The following DNAH17 variants were observed in gnomAD, a reference collection of about 807,000 sequenced individuals.
The protein encoded by DNAH17 is axonemal beta dynein heavy chain 17.
DNAH17 carries 376 observed loss-of-function variants against 485.6 expected under a neutral mutation model. The ratio of observed to expected loss-of-function variants is 0.77; its 90% CI spans 0.71 to 0.84. The LOEUF is 0.84. Ranked by LOEUF, DNAH17 falls within the 40% of genes least tolerant of loss-of-function variation. The pLI, the probability that DNAH17 is intolerant of heterozygous loss-of-function variation, is 0.00. For missense variants in DNAH17, 6,370 were observed against 5,839.3 expected (o/e 1.09, Z -2.96); for synonymous variants, 3,031 against 2,405.9 (o/e 1.26, Z -7.60).
intron 3 of DNAH17, 111 bp from the exon 4 acceptor site, chr17:78,571,893 C>A: frequency 3.7e-6 from 4 of 1,072,930 alleles, no homozygotes; most frequent in Non-Finnish European, 5.3e-6. Flanking sequence ...AGCAGCAGCA[C>A]CGTCTGGTCT....
In DNAH17 at chr17:78,432,383, C is replaced by T. The variant is rs566226366; in HGVS notation, c.12225+1646G>A. On this transcript the variant is annotated intron_variant, in intron 75 of 80. Coordinates refer to ENST00000389840, the MANE Select transcript of DNAH17 (RefSeq NM_173628.4). ...ATGTCCGGCCGGCACCCTGCCCCATCGACCGGCAGACAGCAGAGGCTGCCT... is the reference window on the plus strand; with the variant it reads ...ATGTCCGGCCGGCACCCTGCCCCATTGACCGGCAGACAGCAGAGGCTGCCT... Among the ~76,000 whole-genome samples the T allele has an allele frequency of 1.0e-3, 10 of 9,846 alleles. No homozygotes were observed. The East Asian group carries it at 0.012, about 12-fold the overall frequency. 6.5% of individuals were successfully genotyped at this position (9,846 alleles called of 152,430 possible). A position where few individuals can be genotyped will look rare whatever the true frequency, so the allele number is the denominator to read the frequency against.
At chr17:78,486,573 TA>T (rs2146651287) in intron 44 of DNAH17, 67 bp from the exon 45 acceptor site, 1 of 1,512,356 alleles carries the variant, frequency 6.6e-7, no homozygotes, top group South Asian at 1.3e-5. Flanking sequence ...CCTGCCTTGG[TA>T]AACGCCCCTC....
At chr17:78,542,631 A>G (rs1224577081) in intron 17 of DNAH17, among the ~76,000 whole-genome samples, 1 of 152,196 alleles carries the variant, frequency 6.6e-6, no homozygotes, top group Admixed American at 6.5e-5. Context: ...ATGCCAGTCT[A>G]CTGTTCTGCA....
chr17:78,533,687 CATCTT>C (rs2091299872), intron 19 of DNAH17, among the ~76,000 whole-genome samples: 2 of 152,072 alleles, frequency 1.3e-5, no homozygotes, highest in African/African-American at 4.8e-5. Flanking sequence ...GAAATTTTGA[CATCTT>C]ATTTCTTTTT....
chr17:78,532,766 G>C lies in DNAH17; in HGVS notation c.2860-30C>G, dbSNP rs1220381489. ...AAGGGGCAGGGGAGAAGCAAAAAGG[G>C]GAGGTATGTTGCCTGGTTCATAATT... On this transcript the variant is annotated intron_variant, in intron 19 of 80. Transcript: ENST00000389840. 4 of 1,557,908 alleles carry C rather than the reference G, an allele frequency of 2.6e-6. No individual in the cohort carries two copies. In the East Asian group the frequency reaches 9.2e-5, roughly 36 times the overall value.
At chr17:78,568,298 A>C (rs1043722663) in intron 9 of DNAH17, among the ~76,000 whole-genome samples, 4 of 151,984 alleles carry the variant, frequency 2.6e-5, no homozygotes, top group African/African-American at 9.7e-5. Context: ...GCGCTCTGTG[A>C]CTGCAATTTT....
Position 78,501,825 on chromosome 17 carries a change from C to A in DNAH17, c.5239G>T (p.Ala1747Ser). 1 of 1,614,008 alleles carries A rather than the reference C, an allele frequency of 6.2e-7. No individual in the cohort carries two copies. Among genetic ancestry groups the A allele is most frequent in the South Asian group, 1.1e-5 (1 of 91,086 alleles). The change falls in exon 34 of 81, where the codon GCT (alanine) becomes TCT (serine). Residue 1747 changes from alanine (A) to serine (S), a missense_variant. By Grantham distance (99) the Ala-to-Ser change is moderately conservative (BLOSUM62 1). Transcript: ENST00000389840. ...GTCATGATCTTCATCCTGTCGCCAG[C>A]GTTGAGGTTCCCCATGAGCAGCGTG... ...LITLLMGNLN[A>S]GDRMKIMTIC... is the part of the protein sequence containing the mutation.
At chr17:78,529,778 G>A (rs1030352357) in intron 21 of DNAH17, 84 bp from the exon 22 acceptor site, 11 of 1,403,982 alleles carry the variant, frequency 7.8e-6, no homozygotes, top group South Asian at 2.6e-5. Flanking sequence ...AGAGGGGGAC[G>A]ACCGCGGTGA....
rs79145832 is a variant in DNAH17 at position 78,460,282 on chromosome 17, G to A, written c.9340-25C>T. The A allele has an allele frequency of 9.8e-4, 1,531 of 1,564,996 alleles. 11 individuals carry two copies. In the African/African-American group the frequency reaches 0.018, roughly 18 times the overall value. ...TCTGGAAGGAAGATGGACAGGAGAG[G>A]TTACTGCAGGCCTGTCCATGTGCCT... is the stretch of plus-strand genomic sequence containing the variant. On this transcript the variant is annotated intron_variant, in intron 58 of 80. Transcript: ENST00000389840.
chr17:78,443,710 C>G (rs968931930), intron 71 of DNAH17, among the ~76,000 whole-genome samples: 4 of 152,176 alleles, frequency 2.6e-5, no homozygotes, highest in African/African-American at 7.2e-5. Flanking sequence ...CCACCGCGCC[C>G]TGCTAATTTT....
intron 11 of DNAH17, among the ~76,000 whole-genome samples, chr17:78,563,490 C>T (rs980391406): frequency 7.0e-6 from 1 of 142,284 alleles, no homozygotes; most frequent in Admixed American, 7.5e-5. Flanking sequence ...GAAAAAAACC[C>T]CAAAAACCTG....
chr17:78,478,616 AC>A (rs1205621598), intron 51 of DNAH17, among the ~76,000 whole-genome samples: 1 of 119,468 alleles, frequency 8.4e-6, no homozygotes. Context: ...CACCGTCATC[AC>A]CCCCATTATT....
At chr17:78,501,659 G>A (rs2090295175) in intron 34 of DNAH17, 83 bp downstream of exon 34, 6 of 1,526,192 alleles carry the variant, frequency 3.9e-6, no homozygotes, top group South Asian at 3.6e-5. Flanking sequence ...GGAAGTGGCA[G>A]GGTCTGAAGT....
rs1182416810 is a variant in DNAH17, at chr17:78,427,045, T to C, written c.12652A>G (p.Met4218Val). The C allele has an allele frequency of 8.7e-6, 14 of 1,602,262 alleles. No individual in the cohort carries two copies. The highest frequency in any genetic ancestry group is 1.1e-5 in the Non-Finnish European group (13 of 1,174,598). Residue 4218 changes from methionine to valine, a missense_variant, in exon 78 of 81, where the codon ATG becomes GTG. Coordinates refer to ENST00000389840, the MANE Select transcript of DNAH17 (RefSeq NM_173628.4). ...GGGGTCTTTTCCGCTGCCTTTGCCA[T>C]GATCTCAGCCATGTTGAAAGTCTCC... The part of the protein sequence containing the change: ...IPETFNMAEI[M>V]AKAAEKTPYV...
chr17:78,459,757 C>G (rs367972744), intron 60 of DNAH17, 27 bp downstream of exon 60: 1 of 1,612,042 alleles, frequency 6.2e-7, no homozygotes, highest in South Asian at 1.1e-5. Flanking sequence ...AGGGAAGCCC[C>G]GGCTACGAGG....
At position 78,494,655 on chromosome 17, in the gene DNAH17, G is replaced by C. The variant is rs371944978; in HGVS notation, c.6208C>G (p.Leu2070Val). ...AGAGCCGGGAAGAGGTCCCCGATCA[G>C]TCCCATGAATACGGGCAGGTCGTCT... ...VTDDLPVFMGLIGDLFPALDV... is the reference protein window; with the variant it reads ...VTDDLPVFMGVIGDLFPALDV... The change falls in exon 40 of 81, where the codon CTG becomes GTG. Residue 2070 changes from leucine (L) to valine (V), a missense_variant. Transcript: ENST00000389840. 9 of 1,613,872 alleles carry C rather than the reference G, an allele frequency of 5.6e-6. No individual in the cohort carries two copies. The highest frequency in any genetic ancestry group is 2.5e-6 in the Non-Finnish European group (3 of 1,179,918).
chr17:78,475,435 CT>C lies in DNAH17; in HGVS notation c.8353del (p.Arg2785GlyfsTer61). ...GGGAGACTCCAGGATGCGATTAATC[CT>C]GCAGATGTGAGCCACGGCGTCCTCA... ...LFEDAVAHIC[R>X]INRILESPRG... On this transcript the variant is annotated frameshift_variant, in exon 54 of 81. Transcript: ENST00000389840. LOFTEE classifies it high-confidence loss of function. 6.2e-7 allele frequency: 1 copy of C among 1,613,924 alleles called. No individual in the cohort carries two copies. The highest frequency in any genetic ancestry group is 8.5e-7 in the Non-Finnish European group (1 of 1,179,882).
intron 43 of DNAH17, among the ~76,000 whole-genome samples, chr17:78,491,133 T>G (rs889711398): frequency 1.3e-5 from 2 of 152,264 alleles, no homozygotes; most frequent in Non-Finnish European, 1.5e-5. Flanking sequence ...TGTTCCTTCC[T>G]GCATCCAACT....
rs764479424 is a variant in DNAH17 at position 78,494,593 on chromosome 17, C to A, written c.6270G>T (p.Lys2090Asn). Residue 2090 changes from lysine (K) to asparagine (N), a missense_variant and splice_region_variant, in exon 40 of 81, where the codon AAG becomes AAT. Transcript: ENST00000389840. Reference protein sequence around the residue: ...VPRKRDLNFEKIIKQSIVELK... With the variant: ...VPRKRDLNFENIIKQSIVELK... The stretch of plus-strand genomic sequence containing the variant: ...AGACCTGAGACCCAGGAGTCCCGAC[C>A]TTTTCAAAATTCAGGTCCCGTTTCC... 10 of 1,613,574 alleles carry A rather than the reference C, an allele frequency of 6.2e-6. No homozygotes were observed. The highest frequency in any genetic ancestry group is 2.2e-5 in the East Asian group (1 of 44,886).
Sources: allele counts gnomAD v4.1 joint callset (sites outside exome capture counted in the v4.1 genomes callset), GRCh38; gene constraint gnomAD v4.1.1; transcripts MANE v1.5; gene names NCBI Gene and HGNC (gene_info 2026-07-23, HGNC 2026-07-21).